The following ADAM18 variants were observed in gnomAD, a reference collection of about 807,000 sequenced individuals.
The protein encoded by ADAM18 is ADAM metallopeptidase domain 18.
Under a neutral mutation model 94.4 loss-of-function variants are expected in ADAM18, and 117 were observed. The observed-to-expected ratio is 1.24, with a 90% CI of 1.07 to 1.45. The LOEUF (loss-of-function observed/expected upper bound fraction) is 1.45, where lower values mean the gene tolerates loss of function less well. Ranked by LOEUF, ADAM18 falls within the 40% of genes most tolerant of loss-of-function variation. The probability of loss-of-function intolerance (pLI) is 0.00; values close to 1 mark genes in which losing one functional copy is unlikely to be tolerated. For synonymous variants in ADAM18, 327 were observed against 291.6 expected (o/e 1.12, Z -1.24); for missense variants, 936 against 880.0 (o/e 1.06, Z -0.81).
chr8:39,708,894 C>T (rs747788473), intron 18 of ADAM18, among the ~76,000 whole-genome samples: 3 of 152,202 alleles, frequency 2.0e-5, no homozygotes, highest in Non-Finnish European at 4.4e-5. Flanking sequence ...ACAGTGCGGG[C>T]CCTGCGCCCG....
chr8:39,696,260 A>C (rs559429323), intron 17 of ADAM18, among the ~76,000 whole-genome samples: 90 of 146,072 alleles, frequency 6.2e-4, no homozygotes, highest in African/African-American at 2.2e-3. Context: ...TGAGTTTTAG[A>C]ATTATTTATA....
intron 19 of ADAM18, among the ~76,000 whole-genome samples, 169 bp from the exon 20 acceptor site, chr8:39,729,729 A>G (rs1823020948): frequency 2.0e-5 from 3 of 152,192 alleles, no homozygotes; most frequent in Non-Finnish European, 4.4e-5. Flanking sequence ...TATCTATAAT[A>G]TAGATAATGT....
Position 39,610,566 on chromosome 8 carries a change from G to A in ADAM18, c.382G>A (p.Glu128Lys), listed in dbSNP as rs367919364. 2.9e-5 allele frequency: 46 copies of A among 1,610,602 alleles called. No individual in the cohort carries two copies. The Middle Eastern group carries it at 1.8e-3, about 64-fold the overall frequency. ...LQFENISYGIEPVESSARFEH... is the reference protein window; with the variant it reads ...LQFENISYGIKPVESSARFEH... Reference sequence around the variant, plus strand: ...GTTTGAAAATATCAGTTATGGAATTGAACCAGTAGAATCTTCAGCAAGATT... The same window carrying A: ...GTTTGAAAATATCAGTTATGGAATTAAACCAGTAGAATCTTCAGCAAGATT... Residue 128 changes from glutamate (E) to lysine (K), a missense_variant, in exon 6 of 20, where the codon GAA becomes AAA. Glu to Lys is a moderately conservative substitution (Grantham distance 56, BLOSUM62 1). Coordinates refer to ENST00000265707, the MANE Select transcript of ADAM18 (RefSeq NM_014237.3).
rs752067604 is a variant in ADAM18, at chr8:39,638,461, G to T, written c.828-4G>T. 6.5e-7 allele frequency: 1 copy of T among 1,534,898 alleles called. No homozygotes were observed. Among genetic ancestry groups the T allele is most frequent in the Non-Finnish European group, 8.8e-7 (1 of 1,132,514 alleles). Reference sequence around the variant, plus strand: ...TACGTTAATAAAAAATTATAATAATGTAGTTACAGGAAACATCCTAAATAT... The same window carrying T: ...TACGTTAATAAAAAATTATAATAATTTAGTTACAGGAAACATCCTAAATAT... On this transcript the variant is annotated splice_region_variant and splice_polypyrimidine_tract_variant and intron_variant, in intron 9 of 19. Coordinates refer to ENST00000265707, the MANE Select transcript of ADAM18 (RefSeq NM_014237.3).
chr8:39,586,788 C>T (rs888626915), intron 2 of ADAM18, among the ~76,000 whole-genome samples: 3 of 135,652 alleles, frequency 2.2e-5, no homozygotes, highest in Non-Finnish European at 3.3e-5. Flanking sequence ...ATCTATCTAT[C>T]TATCTATCTA....
At chr8:39,663,161 G>A (rs1294923460) in intron 12 of ADAM18, among the ~76,000 whole-genome samples, 2 of 151,948 alleles carry the variant, frequency 1.3e-5, no homozygotes, top group African/African-American at 4.8e-5. Flanking sequence ...ATTCCCCCAA[G>A]GATATGTTTT....
chr8:39,717,532 C>A (rs1487685445), intron 18 of ADAM18, among the ~76,000 whole-genome samples: 1 of 151,624 alleles, frequency 6.6e-6, no homozygotes, highest in African/African-American at 2.4e-5. Context: ...GATGGATTCC[C>A]TTAATTTTGG....
intron 2 of ADAM18, among the ~76,000 whole-genome samples, chr8:39,598,767 C>CAA (rs111241820): frequency 5.2e-4 from 55 of 106,280 alleles, no homozygotes; most frequent in African/African-American, 1.3e-3. Flanking sequence ...GACTCCGTCT[C>CAA]AAAAAAAAAA....
At chr8:39,670,383 T>A (rs1821121560) in intron 14 of ADAM18, among the ~76,000 whole-genome samples, 1 of 152,184 alleles carries the variant, frequency 6.6e-6, no homozygotes, top group African/African-American at 2.4e-5. Context: ...ATTTTCTCCT[T>A]GATTCATTTA....
At chr8:39,680,284 C>T (rs1821419127) in intron 16 of ADAM18, 58 bp downstream of exon 16, 1 of 1,445,774 alleles carries the variant, frequency 6.9e-7, no homozygotes, top group African/African-American at 1.4e-5. Context: ...TTATCAGATA[C>T]TGCATTCCAT....
intron 12 of ADAM18, among the ~76,000 whole-genome samples, chr8:39,662,947 G>A (rs1384081417): frequency 6.6e-6 from 1 of 152,044 alleles, no homozygotes; most frequent in East Asian, 1.9e-4. Flanking sequence ...ATAATTGACT[G>A]CCATTTACTT....
At chr8:39,678,490 A>C (rs116353541) in intron 15 of ADAM18, among the ~76,000 whole-genome samples, 1,796 of 152,278 alleles carry the variant, frequency 0.012, 46 homozygotes, top group African/African-American at 0.042. Flanking sequence ...AGGTGGAATC[A>C]CAAAGAAAGT....
intron 16 of ADAM18, among the ~76,000 whole-genome samples, chr8:39,680,882 C>G (rs111702101): frequency 6.6e-6 from 1 of 152,016 alleles, no homozygotes; most frequent in Non-Finnish European, 1.5e-5. Context: ...TTATTTGATG[C>G]GTAAAAATAA....
intron 2 of ADAM18, among the ~76,000 whole-genome samples, chr8:39,593,270 G>A (rs377091533): frequency 7.2e-5 from 11 of 152,054 alleles, no homozygotes; most frequent in African/African-American, 2.4e-4. Context: ...TATGTTATGG[G>A]GCCATTGATT....
At position 39,610,191 on chromosome 8, in the gene ADAM18, G is replaced by A. The variant is rs144456046; in HGVS notation, c.345-338G>A. Among the ~76,000 whole-genome samples, 31 of 152,178 alleles carry A rather than the reference G, an allele frequency of 2.0e-4. No individual in the cohort carries two copies. The South Asian group carries it at 2.1e-3, about 10-fold the overall frequency. ...TAGATATATAGTCTACATACATGCC[G>A]TCCCTTATCAAACCTCTGGAAGAAC... On this transcript the variant is annotated intron_variant, in intron 5 of 19. Coordinates refer to ENST00000265707, the MANE Select transcript of ADAM18 (RefSeq NM_014237.3).
intron 10 of ADAM18, among the ~76,000 whole-genome samples, chr8:39,644,072 A>G (rs1585931635): frequency 6.6e-6 from 1 of 152,054 alleles, no homozygotes; most frequent in East Asian, 1.9e-4. Flanking sequence ...AAACATGTAC[A>G]CAATCTTTTT....
In ADAM18 at chr8:39,595,612, A is replaced by G. The variant is rs564728548; in HGVS notation, c.132+10260A>G. Among the ~76,000 whole-genome samples, 4 of 152,232 alleles carry G rather than the reference A, an allele frequency of 2.6e-5. No individual in the cohort carries two copies. In the East Asian group the frequency reaches 7.7e-4, roughly 29 times the overall value. On this transcript the variant is annotated intron_variant, in intron 2 of 19. Coordinates refer to ENST00000265707, the MANE Select transcript of ADAM18 (RefSeq NM_014237.3). ...CTCAGCTCACTGTAACCTCTGCCTC[A>G]GAGGTTTCAAGAGATTCTCCTGCCT...
chr8:39,650,494 A>G (rs1246525028), intron 12 of ADAM18, among the ~76,000 whole-genome samples: 2 of 152,222 alleles, frequency 1.3e-5, no homozygotes, highest in African/African-American at 4.8e-5. Context: ...TCCTACACTA[A>G]CAACAAACTG....
At chr8:39,651,469 G>T (rs944074433) in intron 12 of ADAM18, among the ~76,000 whole-genome samples, 14 of 152,188 alleles carry the variant, frequency 9.2e-5, no homozygotes, top group Non-Finnish European at 1.5e-4. Context: ...GCGGCCTTCC[G>T]CAGTGTATTG....
Sources: allele counts gnomAD v4.1 joint callset (sites outside exome capture counted in the v4.1 genomes callset), GRCh38; gene constraint gnomAD v4.1.1; transcripts MANE v1.5; gene names NCBI Gene and HGNC (gene_info 2026-07-23, HGNC 2026-07-21).